Variants in ATP9A observed in about 807,000 individuals in gnomAD.
The protein encoded by ATP9A is probable phospholipid-transporting ATPase IIA.
A neutral mutation model predicts 144.1 loss-of-function variants in ATP9A; 52 were observed. The ratio of observed to expected loss-of-function variants is 0.36; its 90% CI spans 0.29 to 0.45. The LOEUF is 0.45. ATP9A is among the 20% of genes least tolerant of loss of function. ATP9A has a pLI of 1.00. For synonymous variants in ATP9A, 582 were observed against 557.4 expected, an observed-to-expected ratio of 1.04 and a Z score of -0.62; for missense variants, 947 against 1,392.7, an observed-to-expected ratio of 0.68 and a Z score of 5.09.
chr20:51,764,529 C>T (rs1018511387), intron 1 of ATP9A, among the ~76,000 whole-genome samples: 14 of 152,338 alleles, frequency 9.2e-5, no homozygotes, highest in South Asian at 2.1e-4. Flanking sequence ...GAAATAACTG[C>T]ATTCTGTCCC....
intron 1 of ATP9A, among the ~76,000 whole-genome samples, chr20:51,756,431 C>T (rs1397934305): frequency 6.6e-6 from 1 of 152,052 alleles, no homozygotes; most frequent in East Asian, 1.9e-4. Context: ...GCTGAGATTA[C>T]AGGTGCACGC....
intron 23 of ATP9A, among the ~76,000 whole-genome samples, chr20:51,612,662 C>T (rs1485025443): frequency 2.0e-5 from 3 of 152,144 alleles, no homozygotes; most frequent in Admixed American, 6.5e-5. Flanking sequence ...TGGCCTGAGG[C>T]GATCTGCCCA....
chr20:51,622,088 G>A lies in ATP9A; in HGVS notation c.2101C>T (p.His701Tyr), dbSNP rs2077229260. ...GGACACTTTACCAGCCGAAAAACGTGGATGTCTTGGTTTCTGGTCACCAGA... is the reference window on the plus strand; with the variant it reads ...GGACACTTTACCAGCCGAAAAACGTAGATGTCTTGGTTTCTGGTCACCAGA... The part of the protein sequence containing the change: ...AHLVTRNQDI[H>Y]VFRLVTNRGE... The change falls in exon 19 of 28, where the codon CAC (histidine) becomes TAC (tyrosine). Residue 701 changes from histidine to tyrosine, a missense_variant. This residue lies in a region of ATP9A where 770 missense variants were observed against 1,047.9 expected (regional missense o/e 0.73). Transcript: ENST00000338821. The A allele has an allele frequency of 6.2e-7, 1 of 1,613,934 alleles. No homozygotes were observed. The highest frequency in any genetic ancestry group is 8.5e-7 in the Non-Finnish European group (1 of 1,179,972).
chr20:51,661,785 G>A (rs917357739), intron 13 of ATP9A, among the ~76,000 whole-genome samples: 2 of 118,526 alleles, frequency 1.7e-5, no homozygotes, highest in Admixed American at 2.0e-4. Flanking sequence ...CCATCAAAGA[G>A]ACAGGCTCAG....
intron 9 of ATP9A, among the ~76,000 whole-genome samples, chr20:51,682,577 CTTTTTTTTTTTTTTTT>C (rs60505207): frequency 2.9e-5 from 1 of 35,076 alleles, no homozygotes; most frequent in Admixed American, 4.3e-4. Flanking sequence ...TTCACTGTAT[CTTTTTTTTTTTTTTTT>C]TTTTTTTTTT....
intron 14 of ATP9A, among the ~76,000 whole-genome samples, chr20:51,647,472 A>C (rs922264825): frequency 2.6e-5 from 4 of 152,036 alleles, no homozygotes; most frequent in Admixed American, 2.6e-4. Flanking sequence ...AATCCCTTAA[A>C]CCCGGGAGGC....
chr20:51,604,827 G>A lies in ATP9A; in HGVS notation c.2997C>T (p.His999=), dbSNP rs143182050. 208 of 1,519,418 alleles carry A rather than the reference G, an allele frequency of 1.4e-4. No homozygotes were observed. In the African/African-American group the frequency reaches 2.3e-3, roughly 17 times the overall value. 94.1% of individuals were successfully genotyped at this position (1,519,418 alleles called of 1,614,324 possible). The stretch of plus-strand genomic sequence containing the variant: ...ATTCAGGGGTCTTACCGATGAACTC[G>A]TGTAAGAACACCAGGGAGGCGATGT... ...ACYIASLVFL[H]EFIDVYFIAT... Residue 999 remains histidine (H), a synonymous_variant, in exon 27 of 28, where the codon CAC becomes CAT. Transcript: ENST00000338821.
At chr20:51,746,987 C>T (rs540960262) in intron 1 of ATP9A, among the ~76,000 whole-genome samples, 1 of 151,458 alleles carries the variant, frequency 6.6e-6, no homozygotes, top group East Asian at 1.9e-4. Flanking sequence ...GCCTGGGCAA[C>T]AGAGCGAGAC....
Position 51,734,298 on chromosome 20 carries a change from A to T in ATP9A, c.69-4320T>A, listed in dbSNP as rs1008892658. Among the ~76,000 whole-genome samples, 3 of 152,152 alleles carry T rather than the reference A, an allele frequency of 2.0e-5. No individual in the cohort carries two copies. In the East Asian group the frequency reaches 5.8e-4, roughly 29 times the overall value. ...CCACTCAGCCCCTCCTGCCTCTTTT[A>T]TAAGGGAATTCATGAGGATTCTGCC... On this transcript the variant is annotated intron_variant, in intron 1 of 27. Transcript: ENST00000338821.
At chr20:51,713,763 T>A (rs1202453069) in intron 3 of ATP9A, among the ~76,000 whole-genome samples, 1 of 152,190 alleles carries the variant, frequency 6.6e-6, no homozygotes, top group Non-Finnish European at 1.5e-5. Flanking sequence ...TGCAACCCCA[T>A]TCATATAAAT....
rs2077292955 is a variant in ATP9A, at chr20:51,636,545, C to G, written c.1668+2798G>C. On this transcript the variant is annotated intron_variant, in intron 15 of 27. Transcript: ENST00000338821. ...ATGTCCCTCTCGTCACACCCCAGCC[C>G]TAACCCCCAAGTCCTGGCGTAGAGA... Among the ~76,000 whole-genome samples, 3 of 149,776 alleles carry G rather than the reference C, an allele frequency of 2.0e-5. No individual in the cohort carries two copies. The South Asian group carries it at 6.2e-4, about 31-fold the overall frequency.
Position 51,618,697 on chromosome 20 carries a change from A to C in ATP9A, c.2315T>G (p.Leu772Arg). 1.9e-6 allele frequency: 3 copies of C among 1,613,432 alleles called. No individual in the cohort carries two copies. Among genetic ancestry groups the C allele is most frequent in the Non-Finnish European group, 2.5e-6 (3 of 1,179,900 alleles). The change falls in exon 21 of 28, where the codon CTT becomes CGT. Residue 772 changes from leucine (L) to arginine (R), a missense_variant. Transcript: ENST00000338821. Reference sequence around the variant, plus strand: ...GGTGAGCTTGCCCGTGCGCTCCTGAAGCAGGCGCACGATCTGGGCCTTCTG... The same window carrying C: ...GGTGAGCTTGCCCGTGCGCTCCTGACGCAGGCGCACGATCTGGGCCTTCTG... ...PTQKAQIVRL[L>R]QERTGKLTCA...
At chr20:51,730,244 A>G (rs1313105887) in intron 1 of ATP9A, among the ~76,000 whole-genome samples, 1 of 152,152 alleles carries the variant, frequency 6.6e-6, no homozygotes, top group Non-Finnish European at 1.5e-5. Context: ...CGAGGTGGGC[A>G]GACCACAAGG....
At chr20:51,692,216 C>A (rs2077551472) in intron 7 of ATP9A, among the ~76,000 whole-genome samples, 1 of 152,186 alleles carries the variant, frequency 6.6e-6, no homozygotes, top group South Asian at 2.1e-4. Context: ...TGCCACTGAA[C>A]TGTACACTTA....
chr20:51,603,453 CT>C (rs1189627607), intron 27 of ATP9A, among the ~76,000 whole-genome samples: 1 of 152,128 alleles, frequency 6.6e-6, no homozygotes, highest in Non-Finnish European at 1.5e-5. Flanking sequence ...TCTAGTTGAA[CT>C]AGAAACAGGT....
At chr20:51,640,542 T>C (rs1049257544) in intron 14 of ATP9A, among the ~76,000 whole-genome samples, 1 of 152,190 alleles carries the variant, frequency 6.6e-6, no homozygotes, top group Non-Finnish European at 1.5e-5. Context: ...GTGACAGCGC[T>C]GGCATGTGGC....
intron 1 of ATP9A, among the ~76,000 whole-genome samples, chr20:51,761,406 C>G (rs1446524487): frequency 6.6e-6 from 1 of 152,166 alleles, no homozygotes; most frequent in African/African-American, 2.4e-5. Flanking sequence ...CACGACAATC[C>G]GTTCCCAGGG....
At chr20:51,690,487 G>A (rs1232711625) in intron 8 of ATP9A, among the ~76,000 whole-genome samples, 2 of 152,264 alleles carry the variant, frequency 1.3e-5, no homozygotes, top group Non-Finnish European at 2.9e-5. Context: ...AGACGCCAGC[G>A]TTCACATGAA....
Position 51,601,217 on chromosome 20 carries a change from T to A in ATP9A, c.3138A>T (p.Thr1046=). Residue 1046 remains threonine (T), a synonymous_variant, in exon 28 of 28, where the codon ACA becomes ACT. Coordinates refer to ENST00000338821, the MANE Select transcript of ATP9A (RefSeq NM_006045.3). ...RFSPPSYSKL[T]S The stretch of plus-strand genomic sequence containing the variant: ...CCTCCAGCGAACGCACGGCCTATGA[T>A]GTGAGCTTTGAGTAGCTGGGGGGAG... 6.2e-7 allele frequency: 1 copy of A among 1,612,218 alleles called. No homozygotes were observed. Among genetic ancestry groups the A allele is most frequent in the Non-Finnish European group, 8.5e-7 (1 of 1,179,032 alleles).
Sources: gnomAD v4.1 joint callset for allele counts (sites outside exome capture counted in the v4.1 genomes callset) on GRCh38, gnomAD v4.1.1 for gene constraint, gnomAD v4.1.1 regional missense constraint, MANE v1.5 for transcripts, NCBI Gene and HGNC (gene_info 2026-07-23, HGNC 2026-07-21) for gene names.